CHUK: variants seen among roughly 807,000 people sequenced by gnomAD.
The protein encoded by CHUK is inhibitor of nuclear factor kappa-B kinase subunit alpha.
Under a neutral mutation model 104.8 loss-of-function variants are expected in CHUK, and 35 were observed. The observed-to-expected ratio is 0.33, with a 90% CI of 0.26 to 0.44. The LOEUF (loss-of-function observed/expected upper bound fraction) is 0.44. Among genes scored for constraint, CHUK ranks in the 20% least tolerant of loss-of-function variants. The pLI, the probability that CHUK is intolerant of heterozygous loss-of-function variation, is 1.00. For synonymous variants in CHUK, 276 were observed against 291.9 expected, an observed-to-expected ratio of 0.95 and a Z score of 0.56; for missense variants, 663 against 902.7, an observed-to-expected ratio of 0.73 and a Z score of 3.40.
At chr10:100,225,209 T>A (rs1237868880) in intron 2 of CHUK, among the ~76,000 whole-genome samples, 1 of 152,214 alleles carries the variant, frequency 6.6e-6, no homozygotes, top group Non-Finnish European at 1.5e-5. Context: ...AACTGTTTAA[T>A]TCTGCAAAGC....
intron 16 of CHUK, among the ~76,000 whole-genome samples, chr10:100,196,472 G>A (rs1019256098): frequency 7.4e-5 from 11 of 147,870 alleles, no homozygotes; most frequent in East Asian, 2.0e-4. Flanking sequence ...CTGCAGCCTC[G>A]ACCTCCTGGG....
At chr10:100,213,620 C>T in intron 9 of CHUK, among the ~76,000 whole-genome samples, 1 of 152,118 alleles carries the variant, frequency 6.6e-6, no homozygotes, top group East Asian at 1.9e-4. Context: ...CTCCCAGGTT[C>T]AAGCAACTCT....
At position 100,219,365 on chromosome 10, in the gene CHUK, AAAT is replaced by A. The variant is rs1845933274; in HGVS notation, c.475-9_475-7del. On this transcript the variant is annotated splice_polypyrimidine_tract_variant and splice_region_variant and intron_variant, in intron 5 of 20. Coordinates refer to ENST00000370397, the MANE Select transcript of CHUK (RefSeq NM_001278.5). The stretch of plus-strand genomic sequence containing the variant: ...TCAATTATTTTATGTATTATCTGCA[AAAT>A]AATAAGACAGATTAAGTATTAAATG... 7.3e-7 allele frequency: 1 copy of A among 1,377,938 alleles called. No homozygotes were observed. The highest frequency in any genetic ancestry group is 1.0e-6 in the Non-Finnish European group (1 of 965,314). The allele number at this position is 1,377,938 out of a possible 1,614,324, so 85.4% of individuals were successfully genotyped here.
chr10:100,200,152 A>C, intron 15 of CHUK, 132 bp from the exon 16 acceptor site: 1 of 775,808 alleles, frequency 1.3e-6, no homozygotes, highest in Non-Finnish European at 2.3e-6. Flanking sequence ...CAAGTATTTC[A>C]CAGAGCATTG....
In CHUK at chr10:100,190,949, T is replaced by C; in HGVS notation, c.2128A>G (p.Ile710Val). The stretch of plus-strand genomic sequence containing the variant: ...CCAAGGCAGTTCAAATTTTCTTCTA[T>C]CATTTGTGCTGAAGTCTCCCTGTGA... ...PQDGETSAQM[I>V]EENLNCLGHL... Residue 710 changes from isoleucine (I) to valine (V), a missense_variant, in exon 20 of 21, where the codon ATA becomes GTA. This residue lies in a region of CHUK where 311 missense variants were observed against 393.4 expected (regional missense o/e 0.79). Coordinates refer to ENST00000370397, the MANE Select transcript of CHUK (RefSeq NM_001278.5). The C allele has an allele frequency of 1.9e-6, 3 of 1,608,770 alleles. No homozygotes were observed. The highest frequency in any genetic ancestry group is 2.6e-6 in the Non-Finnish European group (3 of 1,175,066).
At chr10:100,194,393 T>A in intron 17 of CHUK, 32 bp downstream of exon 17, 2 of 1,450,600 alleles carry the variant, frequency 1.4e-6, no homozygotes, top group Non-Finnish European at 1.9e-6. Context: ...CGTATCCTGG[T>A]TTTTCAGTAG....
chr10:100,229,456 A>G lies in CHUK; in HGVS notation c.77T>C (p.Phe26Ser). ...EMRERLGTGG[F>S]GNVCLYQHRE... ...ATGCTGGTACAGACAGACGTTCCCG[A>G]AGCCGCCGGTGCCCAGCCGCTCCCG... The change falls in exon 1 of 21, where the codon TTC (phenylalanine) becomes TCC (serine). Residue 26 changes from phenylalanine to serine, a missense_variant. Physicochemically the swap from Phe to Ser is radical, Grantham distance 155. Around this residue, in one of 5 missense-constraint regions of CHUK, gnomAD observed 44 missense variants for 39.2 expected, o/e 1.12. Coordinates refer to ENST00000370397, the MANE Select transcript of CHUK (RefSeq NM_001278.5). 1 of 1,599,834 alleles carries G rather than the reference A, an allele frequency of 6.3e-7. No individual in the cohort carries two copies. The highest frequency in any genetic ancestry group is 8.5e-7 in the Non-Finnish European group (1 of 1,176,940).
At chr10:100,193,474 T>A (rs1235664639) in intron 18 of CHUK, 43 bp from the exon 19 acceptor site, 1 of 1,610,856 alleles carries the variant, frequency 6.2e-7, no homozygotes, top group East Asian at 2.2e-5. Flanking sequence ...CAGGCAAGCA[T>A]CTCTGTTGAT....
At chr10:100,217,893 T>G in intron 9 of CHUK, 102 bp downstream of exon 9, 2 of 1,185,934 alleles carry the variant, frequency 1.7e-6, no homozygotes, top group Non-Finnish European at 2.5e-6. Flanking sequence ...AATAAATAAA[T>G]AAGCAACAGG....
intron 13 of CHUK, among the ~76,000 whole-genome samples, chr10:100,202,734 G>A (rs1228384097): frequency 6.6e-6 from 1 of 151,988 alleles, no homozygotes; most frequent in Non-Finnish European, 1.5e-5. Flanking sequence ...TTATACCAGT[G>A]TGCAGATGGG....
intron 2 of CHUK, among the ~76,000 whole-genome samples, chr10:100,224,942 T>C (rs569490126): frequency 1.3e-5 from 2 of 152,032 alleles, no homozygotes; most frequent in East Asian, 3.9e-4. Flanking sequence ...CTTGACCTCC[T>C]GGGCTCAAGC....
At chr10:100,216,044 G>C (rs774854551) in intron 9 of CHUK, among the ~76,000 whole-genome samples, 2 of 152,194 alleles carry the variant, frequency 1.3e-5, no homozygotes, top group African/African-American at 2.4e-5. Context: ...TTGAGATAGA[G>C]AGACATTTGC....
intron 9 of CHUK, among the ~76,000 whole-genome samples, chr10:100,214,723 G>C (rs11819107): frequency 1.9e-3 from 287 of 152,310 alleles, no homozygotes; most frequent in African/African-American, 6.7e-3. Context: ...CAATGAAAGG[G>C]TCTGGACTTT....
intron 18 of CHUK, chr10:100,193,710 T>C (rs1210163876): frequency 1.7e-6 from 1 of 592,938 alleles, no homozygotes; most frequent in Non-Finnish European, 3.0e-6. Context: ...AATTTCATTA[T>C]CTAGGCAGGT....
At chr10:100,199,494 C>T (rs1845413746) in intron 16 of CHUK, among the ~76,000 whole-genome samples, 1 of 152,008 alleles carries the variant, frequency 6.6e-6, no homozygotes, top group Non-Finnish European at 1.5e-5. Flanking sequence ...GCCCAGCTAA[C>T]TTTTCTATTT....
rs1388040096 is a variant in CHUK at position 100,200,720 on chromosome 10, G to T, written c.1630C>A (p.Leu544Ile). The T allele has an allele frequency of 1.9e-6, 3 of 1,608,106 alleles. No homozygotes were observed. Among genetic ancestry groups the T allele is most frequent in the Non-Finnish European group, 2.6e-6 (3 of 1,175,028 alleles). ...IMSLHAEIMELQKSPYGRRQG... is the reference protein window; with the variant it reads ...IMSLHAEIMEIQKSPYGRRQG... ...CGTCTTCCATAGGGGCTCTTCTGTAGCTCCATGATTTCAGCATGCAAAGAC... is the reference window on the plus strand; with the variant it reads ...CGTCTTCCATAGGGGCTCTTCTGTATCTCCATGATTTCAGCATGCAAAGAC... The change falls in exon 15 of 21, where the codon CTA becomes ATA. Residue 544 changes from leucine (L) to isoleucine (I), a missense_variant. Leu to Ile is a conservative substitution (Grantham distance 5). Around this residue, in one of 5 missense-constraint regions of CHUK, gnomAD observed 311 missense variants for 393.4 expected, o/e 0.79. Transcript: ENST00000370397.
intron 20 of CHUK, 23 bp from the exon 21 acceptor site, chr10:100,189,650 TA>T: frequency 6.3e-7 from 1 of 1,588,766 alleles, no homozygotes; most frequent in Non-Finnish European, 8.6e-7. Flanking sequence ...ATGAAAAAGT[TA>T]CAATTAGATG....
At position 100,193,639 on chromosome 10, in the gene CHUK, C is replaced by T. The variant is rs1845256024; in HGVS notation, c.1975-208G>A. 6.3e-6 allele frequency: 4 copies of T among 632,726 alleles called. No homozygotes were observed. The South Asian group carries it at 7.7e-5, about 12-fold the overall frequency. The allele number at this position is 632,726 out of a possible 1,614,324, so 39.2% of individuals were successfully genotyped here. Reference sequence around the variant, plus strand: ...TTCATTGACTAAAACCAAATATATCCACTCATCTTATACCATTTTAGTTGA... The same window carrying T: ...TTCATTGACTAAAACCAAATATATCTACTCATCTTATACCATTTTAGTTGA... On this transcript the variant is annotated intron_variant, in intron 18 of 20. Coordinates refer to ENST00000370397, the MANE Select transcript of CHUK (RefSeq NM_001278.5).
At chr10:100,223,124 A>C (rs996711487) in intron 2 of CHUK, 144 bp from the exon 3 acceptor site, 1 of 531,004 alleles carries the variant, frequency 1.9e-6, no homozygotes, top group African/African-American at 1.9e-5. Context: ...TGATTTGTAT[A>C]ATTAAAAATT....
Sources: allele counts gnomAD v4.1 joint callset (sites outside exome capture counted in the v4.1 genomes callset), GRCh38; gene constraint gnomAD v4.1.1; regional missense constraint gnomAD v4.1.1; transcripts MANE v1.5; gene names NCBI Gene and HGNC (gene_info 2026-07-23, HGNC 2026-07-21).